AKAP6: variants seen among roughly 807,000 people sequenced by gnomAD.
AKAP6 encodes A-kinase anchor protein 6.
A neutral mutation model predicts 188.5 loss-of-function variants in AKAP6; 58 were observed. That is an observed-to-expected ratio of 0.31 (90% CI 0.25 to 0.38). The LOEUF (loss-of-function observed/expected upper bound fraction) is 0.38. Among genes scored for constraint, AKAP6 ranks in the 10% least tolerant of loss-of-function variants. AKAP6 has a pLI of 1.00. For missense variants in AKAP6, 2,710 were observed against 2,740.0 expected, an observed-to-expected ratio of 0.99 and a Z score of 0.24; for synonymous variants, 989 against 998.6, an observed-to-expected ratio of 0.99 and a Z score of 0.18.
chr14:32,756,863 G>A lies in AKAP6; in HGVS notation c.3373-16815G>A, dbSNP rs1428315818. Reference sequence around the variant, plus strand: ...AGCAGCCTCCTGCCTAGAATCACGGGTGCCATCCTGGTGTCTGAAGTTGCA... The same window carrying A: ...AGCAGCCTCCTGCCTAGAATCACGGATGCCATCCTGGTGTCTGAAGTTGCA... On this transcript the variant is annotated intron_variant, in intron 11 of 13. Coordinates refer to ENST00000280979, the MANE Select transcript of AKAP6 (RefSeq NM_004274.5). 2.6e-5 allele frequency among the ~76,000 whole-genome samples: 4 copies of A among 152,094 alleles called. No homozygotes were observed. In the East Asian group the frequency reaches 7.7e-4, roughly 29 times the overall value.
At chr14:32,646,421 G>C (rs749908175) in intron 7 of AKAP6, among the ~76,000 whole-genome samples, 21 of 152,082 alleles carry the variant, frequency 1.4e-4, no homozygotes, top group Non-Finnish European at 2.9e-4. Flanking sequence ...CTAAGCAACT[G>C]TGTAGTAACA....
intron 1 of AKAP6, among the ~76,000 whole-genome samples, chr14:32,404,172 A>G (rs2138624243): frequency 6.6e-6 from 1 of 152,290 alleles, no homozygotes; most frequent in African/African-American, 2.4e-5. Context: ...AGTCATCTTT[A>G]TAGTTGTAGT....
At chr14:32,469,675 C>CT (rs3032351) in intron 2 of AKAP6, among the ~76,000 whole-genome samples, 2,271 of 145,346 alleles carry the variant, frequency 0.016, 49 homozygotes, top group African/African-American at 0.051. Flanking sequence ...AAAAGAATGT[C>CT]TTTTTTTTTT....
chr14:32,790,556 G>C (rs145768151), intron 12 of AKAP6, among the ~76,000 whole-genome samples: 1 of 151,982 alleles, frequency 6.6e-6, no homozygotes, highest in Non-Finnish European at 1.5e-5. Context: ...GAAGAGATTG[G>C]GGGCTAATGT....
chr14:32,734,101 T>A (rs1362497794), intron 10 of AKAP6: 1 of 152,120 alleles, frequency 6.6e-6, no homozygotes, highest in Non-Finnish European at 1.5e-5. Context: ...GACAAAAACA[T>A]CATTCAAATA....
Position 32,546,145 on chromosome 14 carries a change from C to A in AKAP6, c.1492C>A (p.Pro498Thr), listed in dbSNP as rs773837438. The A allele has an allele frequency of 1.2e-5, 20 of 1,613,728 alleles. No homozygotes were observed. Among genetic ancestry groups the A allele is most frequent in the Non-Finnish European group, 1.7e-5 (20 of 1,179,924 alleles). The change falls in exon 4 of 14, where the codon CCA becomes ACA. Residue 498 changes from proline (P) to threonine (T), a missense_variant. Around this residue, in one of 2 missense-constraint regions of AKAP6, gnomAD observed 2,473 missense variants for 2,426.1 expected, o/e 1.02. Coordinates refer to ENST00000280979, the MANE Select transcript of AKAP6 (RefSeq NM_004274.5). ...TAAAGAGAAATCTCGACTTAAAAAG[C>A]CACACAAGACCTCAGAAGAGGTGCC... ...CYKEKSRLKK[P>T]HKTSEEVPPC...
At chr14:32,483,003 A>ATGTGTGTGTG (rs1415706046) in intron 2 of AKAP6, among the ~76,000 whole-genome samples, 5 of 77,808 alleles carry the variant, frequency 6.4e-5, no homozygotes, top group African/African-American at 9.1e-5. Context: ...ATATATATAT[A>ATGTGTGTGTG]TATATATATG....
chr14:32,775,834 G>A (rs1487014524), intron 12 of AKAP6, among the ~76,000 whole-genome samples: 1 of 152,162 alleles, frequency 6.6e-6, no homozygotes, highest in African/African-American at 2.4e-5. Flanking sequence ...ATTCCAAACA[G>A]AGAAAGGTGT....
At chr14:32,783,454 T>C (rs1314942270) in intron 12 of AKAP6, among the ~76,000 whole-genome samples, 1 of 152,258 alleles carries the variant, frequency 6.6e-6, no homozygotes, top group Non-Finnish European at 1.5e-5. Context: ...CATTGTAATA[T>C]GTATAATTTA....
intron 9 of AKAP6, among the ~76,000 whole-genome samples, chr14:32,702,219 A>G (rs936078035): frequency 6.6e-6 from 1 of 152,190 alleles, no homozygotes; most frequent in Non-Finnish European, 1.5e-5. Context: ...AATATTTCAA[A>G]TAACATTATC....
intron 9 of AKAP6, among the ~76,000 whole-genome samples, chr14:32,721,806 T>A (rs1041763223): frequency 3.3e-5 from 5 of 152,224 alleles, no homozygotes; most frequent in Admixed American, 6.5e-5. Context: ...ATGTAATTGT[T>A]ATGGCTGATC....
chr14:32,602,463 C>T (rs1315367369), intron 7 of AKAP6, among the ~76,000 whole-genome samples: 1 of 152,110 alleles, frequency 6.6e-6, no homozygotes, highest in Non-Finnish European at 1.5e-5. Flanking sequence ...CCACTGCACT[C>T]CAACCTGGGC....
In AKAP6 at chr14:32,735,715, CGTG is replaced by C. The variant is rs2031388473; in HGVS notation, c.3206_3208del (p.Arg1069_Asp1070delinsHis). Reference sequence around the variant, plus strand: ...GGCAGGGCACAGTGGGTCGAGTCCACGTGACCTGCTCTCTCCTGAAAGTGGAAG... The same window carrying C: ...GGCAGGGCACAGTGGGTCGAGTCCACACCTGCTCTCTCCTGAAAGTGGAAG... On this transcript the variant is annotated inframe_deletion, in exon 11 of 14. Coordinates refer to ENST00000280979, the MANE Select transcript of AKAP6 (RefSeq NM_004274.5). The C allele has an allele frequency of 6.2e-7, 1 of 1,613,252 alleles. No individual in the cohort carries two copies. Among genetic ancestry groups the C allele is most frequent in the African/African-American group, 1.3e-5 (1 of 74,798 alleles).
At chr14:32,350,073 A>G (rs1170304902) in intron 1 of AKAP6, among the ~76,000 whole-genome samples, 4 of 152,238 alleles carry the variant, frequency 2.6e-5, no homozygotes, top group African/African-American at 9.6e-5. Context: ...AGAAACTTCC[A>G]AATAATATGT....
chr14:32,403,499 A>G (rs1889166766), intron 1 of AKAP6: 1 of 152,236 alleles, frequency 6.6e-6, no homozygotes, highest in South Asian at 2.1e-4. Context: ...AAGTTCTGGT[A>G]GAGACAGTAT....
At chr14:32,665,034 G>C (rs1888865802) in intron 7 of AKAP6, among the ~76,000 whole-genome samples, 1 of 152,104 alleles carries the variant, frequency 6.6e-6, no homozygotes, top group African/African-American at 2.4e-5. Context: ...GATATGTGTA[G>C]AGAAAACTTG....
At chr14:32,472,284 T>G (rs1436785407) in intron 2 of AKAP6, among the ~76,000 whole-genome samples, 1 of 151,846 alleles carries the variant, frequency 6.6e-6, no homozygotes, top group African/African-American at 2.4e-5. Flanking sequence ...GGCATGACCT[T>G]GGGTGAGGCA....
intron 9 of AKAP6, among the ~76,000 whole-genome samples, chr14:32,715,912 T>G (rs543475132): frequency 3.2e-4 from 48 of 152,036 alleles, no homozygotes; most frequent in Non-Finnish European, 2.9e-4. Context: ...CATGCAACTC[T>G]GCATGCTAAG....
intron 2 of AKAP6, among the ~76,000 whole-genome samples, chr14:32,437,855 C>T (rs1890439282): frequency 6.6e-6 from 1 of 152,168 alleles, no homozygotes; most frequent in South Asian, 2.1e-4. Flanking sequence ...TAGCCTCTGC[C>T]TTCCAAAGTG....
Sources: allele counts gnomAD v4.1 joint callset (sites outside exome capture counted in the v4.1 genomes callset), GRCh38; gene constraint gnomAD v4.1.1; regional missense constraint gnomAD v4.1.1; transcripts MANE v1.5; gene names NCBI Gene and HGNC (gene_info 2026-07-23, HGNC 2026-07-21).